The following ERAP2 variants were observed in gnomAD, a reference collection of about 807,000 sequenced individuals.
The protein encoded by ERAP2 is endoplasmic reticulum aminopeptidase 2.
A neutral mutation model predicts 111.1 loss-of-function variants in ERAP2; 118 were observed. That is an observed-to-expected ratio of 1.06 (90% CI 0.92 to 1.24). ERAP2 has a LOEUF of 1.24. ERAP2 is among the 50% of genes most tolerant of loss of function. ERAP2 has a pLI of 0.00. For missense variants in ERAP2, 1,131 were observed against 1,125.8 expected (o/e 1.00, Z -0.07); for synonymous variants, 410 against 401.2 (o/e 1.02, Z -0.26).
chr5:96,889,831 TACACAC>T (rs58154009), intron 5 of ERAP2, among the ~76,000 whole-genome samples: 11,140 of 148,690 alleles, frequency 0.075, 428 homozygotes, highest in African/African-American at 0.088. Context: ...AAAAAATACA[TACACAC>T]ACACACACAC....
intron 5 of ERAP2, among the ~76,000 whole-genome samples, chr5:96,890,994 A>G (rs965155966): frequency 3.3e-5 from 5 of 152,212 alleles, no homozygotes; most frequent in African/African-American, 7.2e-5. Context: ...TAGAGCAGAT[A>G]TAAGTCCCAC....
chr5:96,882,891 T>C (rs1783299455), intron 2 of ERAP2, among the ~76,000 whole-genome samples: 1 of 152,192 alleles, frequency 6.6e-6, no homozygotes, highest in African/African-American at 2.4e-5. Flanking sequence ...AGCTATTCTA[T>C]TCCCCCCTCC....
rs1442906975 is a variant in ERAP2 at position 96,892,522 on chromosome 5, TC to T, written c.1125+71del. 1.9e-6 allele frequency: 3 copies of T among 1,564,920 alleles called. No individual in the cohort carries two copies. The African/African-American group carries it at 4.1e-5, about 21-fold the overall frequency. ...ACATTATATAGAACACGACCAATCT[TC>T]CTGAAACAAAATAAATCATCTCATT... On this transcript the variant is annotated intron_variant, in intron 6 of 18. Transcript: ENST00000437043.
At chr5:96,914,825 G>T (rs1414730678) in intron 17 of ERAP2, among the ~76,000 whole-genome samples, 2 of 152,022 alleles carry the variant, frequency 1.3e-5, no homozygotes, top group African/African-American at 4.8e-5. Flanking sequence ...ATGGGATGAG[G>T]AAGTGTGCAA....
chr5:96,917,131 C>T (rs1333112045), intron 18 of ERAP2, among the ~76,000 whole-genome samples: 1 of 152,012 alleles, frequency 6.6e-6, no homozygotes, highest in East Asian at 1.9e-4. Flanking sequence ...ATTTTTGAAA[C>T]TGCCTCGCTC....
intron 13 of ERAP2, among the ~76,000 whole-genome samples, chr5:96,906,316 C>A (rs1205187096): frequency 6.6e-6 from 1 of 152,020 alleles, no homozygotes; most frequent in Admixed American, 6.6e-5. Context: ...ACTCAGGCTG[C>A]AGTGCAGTGG....
intron 6 of ERAP2, among the ~76,000 whole-genome samples, chr5:96,894,507 G>A (rs887377345): frequency 9.4e-6 from 1 of 106,168 alleles, no homozygotes; most frequent in African/African-American, 3.6e-5. Flanking sequence ...ACATACACTA[G>A]ATGTGCAGTA....
At chr5:96,891,638 AG>A (rs1784408832) in intron 5 of ERAP2, among the ~76,000 whole-genome samples, 1 of 151,820 alleles carries the variant, frequency 6.6e-6, no homozygotes, top group Non-Finnish European at 1.5e-5. Flanking sequence ...TTAAATCATT[AG>A]ATTGCACTTT....
chr5:96,879,945 C>T lies in ERAP2; in HGVS notation c.260C>T (p.Thr87Ile), dbSNP rs1244394001. 10 of 1,614,176 alleles carry T rather than the reference C, an allele frequency of 6.2e-6. No homozygotes were observed. Among genetic ancestry groups the T allele is most frequent in the South Asian group, 4.4e-5 (4 of 91,092 alleles). The change falls in exon 2 of 19, where the codon ACC becomes ATC. Residue 87 changes from threonine to isoleucine, a missense_variant. By Grantham distance (89) the Thr-to-Ile change is moderately conservative (BLOSUM62 -1). Around this residue, in one of 3 missense-constraint regions of ERAP2, gnomAD observed 847 missense variants for 856.5 expected, o/e 0.99. Coordinates refer to ENST00000437043, the MANE Select transcript of ERAP2 (RefSeq NM_022350.5). ...HYDLFVHPNL[T>I]SLDFVASEKI... is the part of the protein sequence containing the mutation. ...GACCTCTTTGTCCACCCCAATCTCA[C>T]CTCTCTGGACTTTGTTGCATCTGAG...
At chr5:96,892,655 G>C (rs1481682604) in intron 6 of ERAP2, among the ~76,000 whole-genome samples, 1 of 152,188 alleles carries the variant, frequency 6.6e-6, no homozygotes, top group Admixed American at 6.5e-5. Flanking sequence ...ATTACGAGAA[G>C]TAGCCATTAA....
intron 17 of ERAP2, 38 bp downstream of exon 17, chr5:96,913,495 G>C: frequency 6.2e-7 from 1 of 1,609,766 alleles, no homozygotes; most frequent in Admixed American, 1.7e-5. Context: ...GTTCTTCCAT[G>C]CAGATGTCTC....
intron 15 of ERAP2, among the ~76,000 whole-genome samples, chr5:96,911,640 G>A (rs1004414853): frequency 1.3e-4 from 20 of 151,826 alleles, no homozygotes; most frequent in Non-Finnish European, 2.4e-4. Context: ...AAGGCCAAGG[G>A]GTAAGAAGAT....
chr5:96,893,855 C>T (rs1581838652), intron 6 of ERAP2, among the ~76,000 whole-genome samples: 1 of 152,292 alleles, frequency 6.6e-6, no homozygotes, highest in East Asian at 1.9e-4. Context: ...CTCTTGCCTA[C>T]ACCTAAGCTT....
chr5:96,883,914 T>C lies in ERAP2; in HGVS notation c.698T>C (p.Leu233Pro). 6.2e-7 allele frequency: 1 copy of C among 1,607,110 alleles called. No homozygotes were observed. Among genetic ancestry groups the C allele is most frequent in the Non-Finnish European group, 8.5e-7 (1 of 1,177,490 alleles). Reference sequence around the variant, plus strand: ...CGAAGAGAGAGCAGGCATATTGCACTATCCAACATGCCAAAGGTATGTCCA... The same window carrying C: ...CGAAGAGAGAGCAGGCATATTGCACCATCCAACATGCCAAAGGTATGTCCA... ...KIRRESRHIA[L>P]SNMPKVKTIE... Residue 233 changes from leucine to proline, a missense_variant, in exon 3 of 19, where the codon CTA (leucine) becomes CCA (proline). This residue lies in a region of ERAP2 where 847 missense variants were observed against 856.5 expected (regional missense o/e 0.99). Transcript: ENST00000437043.
chr5:96,901,919 T>C (rs1785514557), intron 11 of ERAP2, among the ~76,000 whole-genome samples: 1 of 152,218 alleles, frequency 6.6e-6, no homozygotes. Context: ...GGTTTAGTTA[T>C]TTGAATCAGC....
At chr5:96,907,854 G>A (rs949145289) in intron 13 of ERAP2, among the ~76,000 whole-genome samples, 1 of 149,626 alleles carries the variant, frequency 6.7e-6, no homozygotes, top group Non-Finnish European at 1.5e-5. Context: ...TTGTACTCCA[G>A]CCTGGGTGAC....
At chr5:96,898,882 T>C (rs1209645854) in intron 9 of ERAP2, among the ~76,000 whole-genome samples, 1 of 152,240 alleles carries the variant, frequency 6.6e-6, no homozygotes, top group Non-Finnish European at 1.5e-5. Flanking sequence ...GTGTTGCTTC[T>C]GTCTCTCATC....
intron 1 of ERAP2, among the ~76,000 whole-genome samples, chr5:96,878,509 C>CAT (rs1782794216): frequency 6.6e-6 from 1 of 152,128 alleles, no homozygotes; most frequent in Admixed American, 6.5e-5. Flanking sequence ...TACTTTCAGG[C>CAT]ATACACTTAA....
At chr5:96,913,037 C>T (rs1018637199) in intron 16 of ERAP2, among the ~76,000 whole-genome samples, 1 of 152,062 alleles carries the variant, frequency 6.6e-6, no homozygotes, top group African/African-American at 2.4e-5. Context: ...TCTTCAGAAA[C>T]TTGAAGAAAA....
Sources: allele counts gnomAD v4.1 joint callset (sites outside exome capture counted in the v4.1 genomes callset), GRCh38; gene constraint gnomAD v4.1.1; regional missense constraint gnomAD v4.1.1; transcripts MANE v1.5; gene names NCBI Gene and HGNC (gene_info 2026-07-23, HGNC 2026-07-21).